Variants in GOLGB1 observed in about 807,000 individuals in gnomAD.
GOLGB1 encodes the protein golgin B1, also known as golgin subfamily B member 1.
GOLGB1 carries 174 observed loss-of-function variants against 336.9 expected under a neutral mutation model. The observed-to-expected ratio is 0.52, with a 90% CI of 0.46 to 0.59. The LOEUF (loss-of-function observed/expected upper bound fraction) is 0.59. Among genes scored for constraint, GOLGB1 ranks in the 20% least tolerant of loss-of-function variants. The pLI is 0.00. For missense variants in GOLGB1, 3,331 were observed against 3,645.3 expected (o/e 0.91, Z 2.22); for synonymous variants, 1,208 against 1,289.2 (o/e 0.94, Z 1.35).
chr3:121,708,556 C>T (rs1410878300), intron 10 of GOLGB1, among the ~76,000 whole-genome samples: 1 of 152,018 alleles, frequency 6.6e-6, no homozygotes, highest in African/African-American at 2.4e-5. Context: ...TTGCTTGAGC[C>T]CAGGAAGTTA....
Position 121,696,690 on chromosome 3 carries a change from T to C in GOLGB1, c.3833A>G (p.Gln1278Arg). ...LEEPLFKATE[Q>R]HHTQPVLESN... ...CTCTAAAACAGGTTGAGTGTGATGC[T>C]GTTCTGTGGCTTTGAATAAAGGTTC... Residue 1278 changes from glutamine (Q) to arginine (R), a missense_variant, in exon 13 of 22, where the codon CAG becomes CGG. Physicochemically the swap from Gln to Arg is conservative, Grantham distance 43 (BLOSUM62 1). Coordinates refer to ENST00000614479, the MANE Select transcript of GOLGB1 (RefSeq NM_001366282.2). 6.2e-7 allele frequency: 1 copy of C among 1,614,130 alleles called. No homozygotes were observed. Among genetic ancestry groups the C allele is most frequent in the Non-Finnish European group, 8.5e-7 (1 of 1,179,984 alleles).
chr3:121,706,121 G>A (rs974514137), intron 10 of GOLGB1, among the ~76,000 whole-genome samples: 1 of 147,288 alleles, frequency 6.8e-6, no homozygotes, highest in East Asian at 2.0e-4. Context: ...CTGGGCAACA[G>A]AGCAAGACTC....
intron 12 of GOLGB1, 89 bp from the exon 13 acceptor site, chr3:121,699,018 T>G: frequency 1.0e-6 from 1 of 1,003,218 alleles, no homozygotes; most frequent in South Asian, 1.8e-5. Context: ...TTTCATCTTC[T>G]AAAACTTCAG....
chr3:121,686,960 G>T (rs539769906), intron 14 of GOLGB1, among the ~76,000 whole-genome samples: 23 of 152,242 alleles, frequency 1.5e-4, no homozygotes, highest in Middle Eastern at 3.4e-3. Context: ...AAAAGGGAAC[G>T]CTGGAAAGGT....
intron 1 of GOLGB1, among the ~76,000 whole-genome samples, chr3:121,734,829 C>T (rs966443809): frequency 1.3e-5 from 2 of 152,190 alleles, no homozygotes; most frequent in African/African-American, 4.8e-5. Flanking sequence ...ACCAATCCCA[C>T]TCCTAGGCAT....
intron 10 of GOLGB1, 107 bp downstream of exon 10, chr3:121,714,754 A>C (rs1944624044): frequency 1.3e-6 from 1 of 759,520 alleles, no homozygotes; most frequent in Non-Finnish European, 2.2e-6. Context: ...GGCAGAAAAA[A>C]CAGAAGGTTT....
chr3:121,704,227 G>A (rs886844049), intron 10 of GOLGB1, among the ~76,000 whole-genome samples: 1 of 152,006 alleles, frequency 6.6e-6, no homozygotes, highest in African/African-American at 2.4e-5. Flanking sequence ...GACAGAATGG[G>A]AAGAAAAAAT....
intron 9 of GOLGB1, among the ~76,000 whole-genome samples, chr3:121,716,148 T>C (rs575292055): frequency 3.9e-5 from 6 of 152,364 alleles, no homozygotes; most frequent in South Asian, 4.1e-4. Flanking sequence ...AGATGGAGTA[T>C]TGGTGTTGAG....
Position 121,697,616 on chromosome 3 carries a change from A to G in GOLGB1, c.2907T>C (p.Asp969=). The G allele has an allele frequency of 6.2e-7, 1 of 1,612,796 alleles. No homozygotes were observed. Among genetic ancestry groups the G allele is most frequent in the Non-Finnish European group, 8.5e-7 (1 of 1,179,824 alleles). Residue 969 remains aspartate (D), a synonymous_variant, in exon 13 of 22, where the codon GAT becomes GAC. Coordinates refer to ENST00000614479, the MANE Select transcript of GOLGB1 (RefSeq NM_001366282.2). ...TTATTTGTCCTGCTGGGCTCATCTC[A>G]TCATAATTTTGTTTAAGGCCAGAAG... The part of the protein sequence containing the change: ...EVSSGLKQNY[D]EMSPAGQISK...
In GOLGB1 at chr3:121,741,530, C is replaced by A. The variant is rs575502877; in HGVS notation, c.-3+8102G>T. ...CTAAAGTGGTTGTGGTGGTGATATT[C>A]GTATCATCACTCCTAGATTACTATA... On this transcript the variant is annotated intron_variant, in intron 1 of 21. Coordinates refer to ENST00000614479, the MANE Select transcript of GOLGB1 (RefSeq NM_001366282.2). Among the ~76,000 whole-genome samples the A allele has an allele frequency of 6.6e-5, 10 of 152,168 alleles. No homozygotes were observed. The South Asian group carries it at 1.9e-3, about 28-fold the overall frequency.
At chr3:121,674,135 T>G (rs903798814) in intron 17 of GOLGB1, among the ~76,000 whole-genome samples, 1 of 152,260 alleles carries the variant, frequency 6.6e-6, no homozygotes, top group African/African-American at 2.4e-5. Flanking sequence ...ATTTATCAGT[T>G]CTAACAGTTT....
At chr3:121,718,247 G>A (rs1321221625) in intron 8 of GOLGB1, 141 bp downstream of exon 8, 3 of 612,668 alleles carry the variant, frequency 4.9e-6, no homozygotes, top group African/African-American at 3.7e-5. Context: ...CACCACTTAA[G>A]TACGAGGTAT....
Position 121,698,692 on chromosome 3 carries a change from T to C in GOLGB1, c.1831A>G (p.Ile611Val). 1 of 1,613,872 alleles carries C rather than the reference T, an allele frequency of 6.2e-7. No individual in the cohort carries two copies. Among genetic ancestry groups the C allele is most frequent in the South Asian group, 1.1e-5 (1 of 91,072 alleles). The stretch of plus-strand genomic sequence containing the variant: ...AATACTTTCATTTTAATTGGAGCTA[T>C]TCCCTCACCCTCCATCTGTTTCATT... Reference protein sequence around the residue: ...KEMKQMEGEGIAPIKMKVFLE... With the variant: ...KEMKQMEGEGVAPIKMKVFLE... Residue 611 changes from isoleucine to valine, a missense_variant, in exon 13 of 22, where the codon ATA becomes GTA. Physicochemically the swap from Ile to Val is conservative, Grantham distance 29. Coordinates refer to ENST00000614479, the MANE Select transcript of GOLGB1 (RefSeq NM_001366282.2).
Position 121,694,282 on chromosome 3 carries a change from C to G in GOLGB1, c.6241G>C (p.Glu2081Gln), listed in dbSNP as rs759684292. The G allele has an allele frequency of 6.2e-7, 1 of 1,610,368 alleles. No homozygotes were observed. The highest frequency in any genetic ancestry group is 1.7e-5 in the Admixed American group (1 of 59,984). ...AVEHRKKAQA[E>Q]LASFKVLLDD... ...AGCAGGACTTTGAAGCTAGCTAATT[C>G]TGCTTGTGCCTTTTTGCGGTGTTCA... Residue 2081 changes from glutamate (E) to glutamine (Q), a missense_variant, in exon 13 of 22, where the codon GAA becomes CAA. Physicochemically the swap from Glu to Gln is conservative, Grantham distance 29. Transcript: ENST00000614479.
chr3:121,671,364 T>C (rs1158609975), intron 17 of GOLGB1, among the ~76,000 whole-genome samples: 4 of 152,216 alleles, frequency 2.6e-5, no homozygotes, highest in Non-Finnish European at 4.4e-5. Flanking sequence ...TCCCTTGTTA[T>C]CTATGGGGTA....
chr3:121,691,835 T>C lies in GOLGB1; in HGVS notation c.7529A>G (p.Asn2510Ser), dbSNP rs146252814. The change falls in exon 14 of 22, where the codon AAT becomes AGT. Residue 2510 changes from asparagine (N) to serine (S), a missense_variant. Asn to Ser is a conservative substitution (Grantham distance 46). Coordinates refer to ENST00000614479, the MANE Select transcript of GOLGB1 (RefSeq NM_001366282.2). ...DQLIQEAAAE[N>S]NKLKEEIRGL... Reference sequence around the variant, plus strand: ...TCGTATTTCTTCTTTAAGCTTATTATTCTCTGCAGCAGCCTCTTGGATGAG... The same window carrying C: ...TCGTATTTCTTCTTTAAGCTTATTACTCTCTGCAGCAGCCTCTTGGATGAG... 2.5e-6 allele frequency: 4 copies of C among 1,613,110 alleles called. No homozygotes were observed. Among genetic ancestry groups the C allele is most frequent in the Admixed American group, 1.7e-5 (1 of 59,860 alleles).
chr3:121,727,087 A>AAT, intron 4 of GOLGB1, 46 bp from the exon 5 acceptor site: 1 of 1,122,024 alleles, frequency 8.9e-7, no homozygotes, highest in Non-Finnish European at 1.2e-6. Flanking sequence ...AATTACAATT[A>AAT]ATATATATTT....
At chr3:121,682,258 C>T (rs1941166179) in intron 14 of GOLGB1, among the ~76,000 whole-genome samples, 1 of 152,196 alleles carries the variant, frequency 6.6e-6, no homozygotes, top group African/African-American at 2.4e-5. Flanking sequence ...TCTTAACTTT[C>T]CTACAGGGCT....
rs1354690204 is a variant in GOLGB1, at chr3:121,691,292, T to G, written c.8072A>C (p.His2691Pro). 5 of 1,613,622 alleles carry G rather than the reference T, an allele frequency of 3.1e-6. No individual in the cohort carries two copies. Among genetic ancestry groups the G allele is most frequent in the Non-Finnish European group, 4.2e-6 (5 of 1,179,894 alleles). The change falls in exon 14 of 22, where the codon CAT becomes CCT. Residue 2691 changes from histidine to proline, a missense_variant. By Grantham distance (77) the His-to-Pro change is moderately conservative. Transcript: ENST00000614479. ...CATTATCCCTGCATCATGATGAAGA[T>G]GCTTTAATTCTTTCTTCAGTTTATC... ...IEDKLKKELK[H>P]LHHDAGIMRN...
Sources: gnomAD v4.1 joint callset for allele counts (sites outside exome capture counted in the v4.1 genomes callset) on GRCh38, gnomAD v4.1.1 for gene constraint, MANE v1.5 for transcripts, NCBI Gene and HGNC (gene_info 2026-07-23, HGNC 2026-07-21) for gene names.